The following LGR6 variants were observed in gnomAD, a reference collection of about 807,000 sequenced individuals.
LGR6 encodes leucine rich repeat containing G protein-coupled receptor 6, also known as leucine-rich repeat-containing G protein-coupled receptor 6.
In LGR6, 45 loss-of-function variants were observed where a neutral mutation model predicts 69.4. That is an observed-to-expected ratio of 0.65 (90% CI 0.51 to 0.83). The LOEUF is 0.83. Among genes scored for constraint, LGR6 ranks in the 40% least tolerant of loss-of-function variants. LGR6 has a pLI of 0.00. For missense variants in LGR6, 1,108 were observed against 1,246.7 expected (o/e 0.89, Z 1.68); for synonymous variants, 538 against 555.0 (o/e 0.97, Z 0.43).
intron 3 of LGR6, among the ~76,000 whole-genome samples, chr1:202,232,915 G>A (rs1024812795): frequency 2.0e-5 from 3 of 152,126 alleles, no homozygotes; most frequent in Non-Finnish European, 4.4e-5. Flanking sequence ...ACAAAGGGCT[G>A]TTTCCTTCCA....
intron 3 of LGR6, among the ~76,000 whole-genome samples, chr1:202,235,229 C>T (rs77391939): frequency 1.1e-4 from 16 of 152,116 alleles, no homozygotes; most frequent in Admixed American, 9.8e-4. Flanking sequence ...TTCCCAGGTG[C>T]CCTGAGGAGC....
chr1:202,296,969 CA>C (rs1273983927), intron 6 of LGR6, among the ~76,000 whole-genome samples: 2 of 151,314 alleles, frequency 1.3e-5, no homozygotes, highest in African/African-American at 4.9e-5. Flanking sequence ...GATATATGCT[CA>C]TTGCAAAAAA....
intron 6 of LGR6, among the ~76,000 whole-genome samples, chr1:202,287,005 C>T (rs1293224726): frequency 6.6e-6 from 1 of 152,136 alleles, no homozygotes; most frequent in Non-Finnish European, 1.5e-5. Flanking sequence ...CCAGGCACCC[C>T]AGCCAGCTGG....
intron 6 of LGR6, among the ~76,000 whole-genome samples, chr1:202,284,849 G>A (rs912303907): frequency 6.6e-6 from 1 of 152,232 alleles, no homozygotes; most frequent in African/African-American, 2.4e-5. Flanking sequence ...ATGGACCCCG[G>A]GGACAATAGT....
At chr1:202,243,877 C>T (rs1166337166) in intron 4 of LGR6, among the ~76,000 whole-genome samples, 1 of 152,130 alleles carries the variant, frequency 6.6e-6, no homozygotes, top group Non-Finnish European at 1.5e-5. Flanking sequence ...GTGGTAGGGG[C>T]AGGCGGCGAC....
intron 1 of LGR6, among the ~76,000 whole-genome samples, chr1:202,203,184 C>A (rs1326413712): frequency 1.3e-5 from 2 of 152,148 alleles, no homozygotes. Context: ...GTGTGATTGG[C>A]AAGTTAGAAT....
intron 4 of LGR6, among the ~76,000 whole-genome samples, chr1:202,264,636 G>A (rs1045655812): frequency 3.9e-5 from 6 of 152,214 alleles, no homozygotes; most frequent in African/African-American, 1.4e-4. Context: ...TTCCGGGATT[G>A]TCACCCACAA....
In LGR6 at chr1:202,239,201, C is replaced by T. The variant is rs531087613; in HGVS notation, c.428+3208C>T. The stretch of plus-strand genomic sequence containing the variant: ...GTCTTGCTGGCGTACGCAAGTAGCC[C>T]TGCGCCTGGCGACTGGGCCTGAGAA... On this transcript the variant is annotated intron_variant, in intron 4 of 17. Coordinates refer to ENST00000367278, the MANE Select transcript of LGR6 (RefSeq NM_001017403.2). Among the ~76,000 whole-genome samples, 8 of 152,292 alleles carry T rather than the reference C, an allele frequency of 5.3e-5. 2 individuals are homozygous for T. The highest frequency in any genetic ancestry group is 1.7e-4 in the African/African-American group (7 of 41,562).
Position 202,318,097 on chromosome 1 carries a change from G to A in LGR6, c.1794G>A (p.Lys598=). 1 of 1,614,224 alleles carries A rather than the reference G, an allele frequency of 6.2e-7. No homozygotes were observed. The highest frequency in any genetic ancestry group is 8.5e-7 in the Non-Finnish European group (1 of 1,180,038). Residue 598 remains lysine (K), a synonymous_variant, in exon 18 of 18, where the codon AAG becomes AAA. Coordinates refer to ENST00000367278, the MANE Select transcript of LGR6 (RefSeq NM_001017403.2). The part of the protein sequence containing the change: ...AGGPVPLPPV[K]FVVGAIAGAN... ...GGCCTGTCCCCCTGCCCCCGGTCAAGTTTGTGGTAGGTGCGATTGCAGGCG... is the reference window on the plus strand; with the variant it reads ...GGCCTGTCCCCCTGCCCCCGGTCAAATTTGTGGTAGGTGCGATTGCAGGCG...
chr1:202,318,769 C>T lies in LGR6; in HGVS notation c.2466C>T (p.Leu822=). The T allele has an allele frequency of 6.2e-7, 1 of 1,613,756 alleles. No homozygotes were observed. Among genetic ancestry groups the T allele is most frequent in the East Asian group, 2.2e-5 (1 of 44,884 alleles). ...LLVVLPLPAC[L]NPLLYLLFNP... is the part of the protein sequence containing the mutation. The stretch of plus-strand genomic sequence containing the variant: ...TGGTGCTGCCCCTGCCTGCCTGCCT[C>T]AACCCACTGCTGTACCTGCTCTTCA... The change falls in exon 18 of 18, where the codon CTC becomes CTT. Residue 822 remains leucine, a synonymous_variant. Transcript: ENST00000367278.
intron 6 of LGR6, among the ~76,000 whole-genome samples, chr1:202,284,023 T>C (rs1666215576): frequency 6.6e-6 from 1 of 152,172 alleles, no homozygotes; most frequent in South Asian, 2.1e-4. Flanking sequence ...CCATGCTCTC[T>C]TTTACTCCAA....
chr1:202,262,635 A>G (rs1362267560), intron 4 of LGR6, among the ~76,000 whole-genome samples: 6 of 152,206 alleles, frequency 3.9e-5, no homozygotes, highest in Non-Finnish European at 8.8e-5. Flanking sequence ...CTTCTGCTCC[A>G]TTCACTCTGG....
At chr1:202,306,814 A>C in intron 12 of LGR6, 54 bp from the exon 13 acceptor site, 1 of 1,512,512 alleles carries the variant, frequency 6.6e-7, no homozygotes, top group South Asian at 1.1e-5. Context: ...GGGGGCATGG[A>C]GCGGAGCCAG....
intron 1 of LGR6, among the ~76,000 whole-genome samples, chr1:202,217,439 C>T (rs1659857225): frequency 6.6e-6 from 1 of 150,730 alleles, no homozygotes; most frequent in South Asian, 2.1e-4. Context: ...TCTTTTAACT[C>T]AGGGCAAACA....
At chr1:202,254,160 A>G (rs991356009) in intron 4 of LGR6, among the ~76,000 whole-genome samples, 2 of 152,002 alleles carry the variant, frequency 1.3e-5, no homozygotes, top group Admixed American at 6.5e-5. Flanking sequence ...GTTAGCCAGG[A>G]TGGTCTCCAT....
chr1:202,214,217 T>C, intron 1 of LGR6: 1 of 1,541,668 alleles, frequency 6.5e-7, no homozygotes, highest in Non-Finnish European at 8.7e-7. Flanking sequence ...GGGCTGGGAG[T>C]GCACGGCGCG....
Position 202,268,660 on chromosome 1 carries a change from A to C in LGR6, c.429-7646A>C, listed in dbSNP as rs569480465. 2.4e-4 allele frequency among the ~76,000 whole-genome samples: 36 copies of C among 152,220 alleles called. No homozygotes were observed. The highest frequency in any genetic ancestry group is 8.2e-4 in the African/African-American group (34 of 41,536). ...GCCCTGGGGTCGGCCAGGAGCAAAC[A>C]ATCAGTAATCCTGTGTCAAATGAAC... is the stretch of plus-strand genomic sequence containing the variant. On this transcript the variant is annotated intron_variant, in intron 4 of 17. Transcript: ENST00000367278. This position sits in a 1 kb window ranked among gnomAD's most constrained non-coding sequence, Gnocchi z 4.4.
At chr1:202,207,136 C>T (rs1410718541) in intron 1 of LGR6, among the ~76,000 whole-genome samples, 2 of 152,126 alleles carry the variant, frequency 1.3e-5, no homozygotes, top group Admixed American at 6.5e-5. Flanking sequence ...AGGCTGGTCT[C>T]GAACTCCTGA....
chr1:202,215,248 C>T (rs935389037), intron 1 of LGR6, among the ~76,000 whole-genome samples: 3 of 152,154 alleles, frequency 2.0e-5, no homozygotes, highest in African/African-American at 7.2e-5. Context: ...AAACAAGGCT[C>T]AGAGATGTGG....
Sources: allele counts gnomAD v4.1 joint callset (sites outside exome capture counted in the v4.1 genomes callset), GRCh38; gene constraint gnomAD v4.1.1; non-coding constraint Gnocchi (gnomAD v3.1); transcripts MANE v1.5; gene names NCBI Gene and HGNC (gene_info 2026-07-23, HGNC 2026-07-21).